SFXN5: variants seen among roughly 807,000 people sequenced by gnomAD.
The protein encoded by SFXN5 is sideroflexin 5, also known as sideroflexin-5.
A neutral mutation model predicts 50.2 loss-of-function variants in SFXN5; 43 were observed. That is an observed-to-expected ratio of 0.86 (90% CI 0.67 to 1.11). The LOEUF (loss-of-function observed/expected upper bound fraction) is 1.11. SFXN5 is among the 50% of genes least tolerant of loss of function. The pLI, the probability that SFXN5 is intolerant of heterozygous loss-of-function variation, is 0.00. For missense variants in SFXN5, 463 were observed against 454.1 expected (o/e 1.02, Z -0.18); for synonymous variants, 203 against 185.8 (o/e 1.09, Z -0.75).
chr2:73,037,206 C>T (rs1309360946), intron 3 of SFXN5, among the ~76,000 whole-genome samples: 1 of 152,194 alleles, frequency 6.6e-6, no homozygotes, highest in Admixed American at 6.5e-5. Context: ...CCTCATATCT[C>T]AGGGGAGAAA....
chr2:73,064,397 T>C (rs1319313375), intron 1 of SFXN5, among the ~76,000 whole-genome samples: 1 of 152,188 alleles, frequency 6.6e-6, no homozygotes, highest in Non-Finnish European at 1.5e-5. Context: ...CAGGCATCAG[T>C]GTCTATTTTA....
intron 9 of SFXN5, chr2:72,996,744 G>C (rs1301232439): frequency 1.3e-5 from 2 of 152,098 alleles, no homozygotes; most frequent in Non-Finnish European, 2.9e-5. Flanking sequence ...CTTGTTCTCT[G>C]AGCCCCAGGC....
chr2:73,047,302 T>A (rs1160813771), intron 2 of SFXN5, among the ~76,000 whole-genome samples: 1 of 55,352 alleles, frequency 1.8e-5, no homozygotes, highest in Non-Finnish European at 3.7e-5. Flanking sequence ...ATATATAAAA[T>A]ATATATGTGT....
chr2:73,020,129 T>C (rs1399902336), intron 6 of SFXN5, 110 bp downstream of exon 6: 3 of 1,002,616 alleles, frequency 3.0e-6, no homozygotes, highest in Non-Finnish European at 4.5e-6. Context: ...CCTCCAGGAA[T>C]TGACTTATCC....
chr2:72,946,871 A>C (rs1671999654), intron 13 of SFXN5, among the ~76,000 whole-genome samples: 1 of 152,164 alleles, frequency 6.6e-6, no homozygotes, highest in Admixed American at 6.5e-5. Flanking sequence ...CTCAGGGATC[A>C]AGTCAGACTC....
intron 2 of SFXN5, among the ~76,000 whole-genome samples, chr2:73,050,394 A>ACG: frequency 7.0e-6 from 1 of 142,740 alleles, no homozygotes; most frequent in Admixed American, 6.7e-5. Context: ...CAGCGCACGC[A>ACG]CACACACACA....
At chr2:73,014,932 T>C (rs940115465) in intron 6 of SFXN5, among the ~76,000 whole-genome samples, 1 of 152,230 alleles carries the variant, frequency 6.6e-6, no homozygotes, top group Non-Finnish European at 1.5e-5. Context: ...CCAACTCTAA[T>C]ACCATTGTTT....
At chr2:73,062,810 A>T (rs931021196) in intron 1 of SFXN5, among the ~76,000 whole-genome samples, 2 of 152,182 alleles carry the variant, frequency 1.3e-5, no homozygotes, top group African/African-American at 4.8e-5. Flanking sequence ...AGTTTAAGTC[A>T]AGGAGGTGTC....
chr2:73,056,636 G>A (rs1385992549), intron 2 of SFXN5, among the ~76,000 whole-genome samples: 6 of 148,200 alleles, frequency 4.0e-5, no homozygotes, highest in Non-Finnish European at 8.9e-5. Context: ...GGTGAGCTGG[G>A]ATCACACCAT....
chr2:73,071,465 G>C (rs985046389), intron 1 of SFXN5, 139 bp downstream of exon 1: 1 of 716,758 alleles, frequency 1.4e-6, no homozygotes, highest in Non-Finnish European at 2.3e-6. Context: ...GACTGTGACC[G>C]AGGTTCCCCC....
chr2:73,041,044 G>T, intron 2 of SFXN5, 113 bp from the exon 3 acceptor site: 1 of 718,572 alleles, frequency 1.4e-6, no homozygotes, highest in Non-Finnish European at 2.2e-6. Context: ...CTTTGGGCCT[G>T]CCCTCAGTTC....
intron 9 of SFXN5, among the ~76,000 whole-genome samples, chr2:72,993,075 C>G (rs1453366207): frequency 6.6e-6 from 1 of 152,176 alleles, no homozygotes; most frequent in East Asian, 1.9e-4. Flanking sequence ...TCTACAGACT[C>G]TATTGCATCA....
intron 3 of SFXN5, among the ~76,000 whole-genome samples, chr2:73,040,124 T>A (rs1247364189): frequency 6.6e-6 from 1 of 152,176 alleles, no homozygotes; most frequent in Non-Finnish European, 1.5e-5. Flanking sequence ...TACAAGCACT[T>A]TAGTACTATT....
At position 73,052,353 on chromosome 2, in the gene SFXN5, TGTATGC is replaced by T. The variant is rs1338944449; in HGVS notation, c.171+6169_171+6174del. ...GTAAGAGAGAGAGTGTGTGTGTGTGTGTATGCGTGTGTGTGTGTGTGTGTGTGTGTG... is the reference window on the plus strand; with the variant it reads ...GTAAGAGAGAGAGTGTGTGTGTGTGTGTGTGTGTGTGTGTGTGTGTGTGTG... On this transcript the variant is annotated intron_variant, in intron 2 of 13. Coordinates refer to ENST00000272433, the MANE Select transcript of SFXN5 (RefSeq NM_144579.3). Among the ~76,000 whole-genome samples, 512 of 124,976 alleles carry T rather than the reference TGTATGC, an allele frequency of 4.1e-3. 4 individuals are homozygous for T. The highest frequency in any genetic ancestry group is 0.022 in the Middle Eastern group (6 of 278). The allele number at this position is 124,976 out of a possible 152,430, so 82.0% of individuals were successfully genotyped here. A position where few individuals can be genotyped will look rare whatever the true frequency, so the allele number is the denominator to read the frequency against.
chr2:73,025,669 C>T (rs1302606762), intron 3 of SFXN5, among the ~76,000 whole-genome samples: 1 of 152,112 alleles, frequency 6.6e-6, no homozygotes, highest in Non-Finnish European at 1.5e-5. Flanking sequence ...AAGAGATGAG[C>T]GGTTGGCAAT....
chr2:72,985,017 G>A (rs1056025700), intron 10 of SFXN5, among the ~76,000 whole-genome samples: 2 of 152,054 alleles, frequency 1.3e-5, no homozygotes, highest in East Asian at 1.9e-4. Context: ...GCCTGGATGC[G>A]GCCTCTGACC....
Position 72,944,964 on chromosome 2 carries a change from G to A in SFXN5, c.*58C>T. ...CTGCAGGTGCAGCCGTGAGTCTACG[G>A]CCCTGCCCCTCAGCTCCCCGGCTGC... is the stretch of plus-strand genomic sequence containing the variant. On this transcript the variant is annotated 3_prime_UTR_variant, in exon 14 of 14. Transcript: ENST00000272433. 1 of 1,538,860 alleles carries A rather than the reference G, an allele frequency of 6.5e-7. No individual in the cohort carries two copies. The highest frequency in any genetic ancestry group is 8.9e-7 in the Non-Finnish European group (1 of 1,119,878).
intron 10 of SFXN5, among the ~76,000 whole-genome samples, chr2:72,982,213 A>G (rs905445064): frequency 2.6e-5 from 4 of 152,164 alleles, no homozygotes; most frequent in African/African-American, 9.7e-5. Flanking sequence ...AGACGGGGCC[A>G]TAATGGCCTG....
intron 12 of SFXN5, among the ~76,000 whole-genome samples, chr2:72,964,967 C>T (rs894999452): frequency 6.6e-6 from 1 of 152,230 alleles, no homozygotes; most frequent in South Asian, 2.1e-4. Context: ...TAGGGCTCCA[C>T]CCCCAGGCCT....
Sources: gnomAD v4.1 joint callset for allele counts (sites outside exome capture counted in the v4.1 genomes callset) on GRCh38, gnomAD v4.1.1 for gene constraint, MANE v1.5 for transcripts, NCBI Gene and HGNC (gene_info 2026-07-23, HGNC 2026-07-21) for gene names.